Variants in PRR16 observed in about 807,000 individuals in gnomAD.
The protein encoded by PRR16 is proline rich 16, also known as protein Largen.
In PRR16, 6 loss-of-function variants were observed where a neutral mutation model predicts 18.2. The observed-to-expected ratio is 0.33, with a 90% confidence interval of 0.18 to 0.65. PRR16 has a LOEUF of 0.65. PRR16 is among the 30% of genes least tolerant of loss of function. PRR16 has a pLI of 0.74. For synonymous variants in PRR16, 151 were observed against 147.8 expected (o/e 1.02, Z -0.16); for missense variants, 412 against 376.6 (o/e 1.09, Z -0.78).
chr5:120,698,052 T>G, the PRR16 span, among the ~76,000 whole-genome samples: 1 of 152,050 alleles, frequency 6.6e-6, no homozygotes, highest in Admixed American at 6.6e-5. Flanking sequence ...CCTTCTTATA[T>G]TAATAAGAAA....
At chr5:120,494,275 C>A (rs924167688) in intron 1 of PRR16, among the ~76,000 whole-genome samples, 10 of 152,042 alleles carry the variant, frequency 6.6e-5, no homozygotes, top group Non-Finnish European at 1.5e-4. Flanking sequence ...TCCCTGATGG[C>A]AATAATGTTT....
At chr5:120,716,074 G>C in the PRR16 span, among the ~76,000 whole-genome samples, 35,511 of 152,058 alleles carry the variant, frequency 0.23, 4,903 homozygotes, top group East Asian at 0.6. Flanking sequence ...CAAATCAGGA[G>C]AGCTTAGAAA....
chr5:120,600,088 A>G (rs957478287), intron 1 of PRR16, among the ~76,000 whole-genome samples: 4 of 151,756 alleles, frequency 2.6e-5, no homozygotes, highest in African/African-American at 9.7e-5. Context: ...CGGCTCATCA[A>G]TTATCTTTTC....
At chr5:120,788,260 C>T in the PRR16 span, among the ~76,000 whole-genome samples, 1 of 152,032 alleles carries the variant, frequency 6.6e-6, no homozygotes, top group African/African-American at 2.4e-5. Context: ...GAGTAGTACA[C>T]AGTAGGTGAT....
chr5:120,486,412 A>AT (rs1318778645), intron 1 of PRR16, among the ~76,000 whole-genome samples: 1 of 149,606 alleles, frequency 6.7e-6, no homozygotes, highest in Admixed American at 6.6e-5. Context: ...GATGATGAGC[A>AT]TTTTTTCATG....
intron 1 of PRR16, among the ~76,000 whole-genome samples, chr5:120,592,733 A>T (rs1228638005): frequency 6.6e-6 from 1 of 152,140 alleles, no homozygotes; most frequent in African/African-American, 2.4e-5. Context: ...TTTAGATTTC[A>T]TAATAATGGT....
chr5:120,679,417 A>G (rs1275770806), intron 1 of PRR16, among the ~76,000 whole-genome samples: 1 of 152,022 alleles, frequency 6.6e-6, no homozygotes, highest in African/African-American at 2.4e-5. Context: ...TGTGGTTACT[A>G]TTTCTTTAGG....
At chr5:120,500,469 C>A (rs567564087) in intron 1 of PRR16, among the ~76,000 whole-genome samples, 5 of 152,306 alleles carry the variant, frequency 3.3e-5, no homozygotes, top group Admixed American at 2.6e-4. Context: ...GTGCGTCTGT[C>A]TGGAAGCAGA....
chr5:120,754,401 T>TTATATTATATAGTATATATTATATAATA, the PRR16 span, among the ~76,000 whole-genome samples: 2 of 67,212 alleles, frequency 3.0e-5, no homozygotes, highest in Non-Finnish European at 5.0e-5. Flanking sequence ...ATGTTATATA[T>TTATATTATATAGTATATATTATATAATA]TATACTATAT....
chr5:120,479,072 C>T (rs527583744), intron 1 of PRR16, among the ~76,000 whole-genome samples: 3 of 151,796 alleles, frequency 2.0e-5, no homozygotes, highest in South Asian at 2.1e-4. Flanking sequence ...TTATATACTT[C>T]CTCTAGTGTT....
chr5:120,754,843 A>G, the PRR16 span, among the ~76,000 whole-genome samples: 1 of 151,210 alleles, frequency 6.6e-6, no homozygotes, highest in Admixed American at 6.7e-5. Flanking sequence ...GATATGGATC[A>G]AAACCTCGTA....
At chr5:120,651,904 A>G (rs915453231) in intron 1 of PRR16, among the ~76,000 whole-genome samples, 1 of 151,906 alleles carries the variant, frequency 6.6e-6, no homozygotes, top group Admixed American at 6.6e-5. Flanking sequence ...CATTGAATCT[A>G]TAAATTACCT....
At chr5:120,666,446 T>C (rs1272536721) in intron 1 of PRR16, among the ~76,000 whole-genome samples, 1 of 151,502 alleles carries the variant, frequency 6.6e-6, no homozygotes, top group Non-Finnish European at 1.5e-5. Context: ...TGAATACCCT[T>C]TATTTCCTTC....
chr5:120,704,934 C>T, the PRR16 span, among the ~76,000 whole-genome samples: 57 of 152,110 alleles, frequency 3.7e-4, no homozygotes, highest in Non-Finnish European at 6.0e-4. Flanking sequence ...AGCATTAAAA[C>T]GTTTTTTTAA....
intron 1 of PRR16, among the ~76,000 whole-genome samples, chr5:120,670,091 G>C (rs1359852951): frequency 1.3e-5 from 2 of 152,096 alleles, no homozygotes; most frequent in Admixed American, 6.6e-5. Flanking sequence ...TTGGACATGT[G>C]AAAAGTGATA....
intron 1 of PRR16, among the ~76,000 whole-genome samples, chr5:120,622,289 C>G (rs531100383): frequency 5.9e-5 from 9 of 152,118 alleles, no homozygotes; most frequent in South Asian, 2.1e-4. Context: ...GAAGGAGATT[C>G]TACAGTTAGT....
the PRR16 span, chr5:120,790,403 G>A: frequency 6.6e-6 from 1 of 152,180 alleles, no homozygotes; most frequent in African/African-American, 2.4e-5. Context: ...GAAGTTTAAA[G>A]TACAGAGAGA....
the PRR16 span, among the ~76,000 whole-genome samples, chr5:120,768,555 A>G: frequency 6.6e-6 from 1 of 151,724 alleles, no homozygotes; most frequent in Non-Finnish European, 1.5e-5. Flanking sequence ...TCCTGAATTA[A>G]TACTCAATAA....
intron 1 of PRR16, among the ~76,000 whole-genome samples, chr5:120,607,060 T>G (rs183118015): frequency 1.3e-5 from 2 of 152,348 alleles, no homozygotes; most frequent in Admixed American, 1.3e-4. Context: ...TTCTATTAGA[T>G]TGTTGCATGT....
Sources: allele counts gnomAD v4.1 joint callset (sites outside exome capture counted in the v4.1 genomes callset), GRCh38; gene constraint gnomAD v4.1.1; transcripts MANE v1.5; gene names NCBI Gene and HGNC (gene_info 2026-07-23, HGNC 2026-07-21).